PLD5: variants seen among roughly 807,000 people sequenced by gnomAD.
PLD5 encodes the protein phospholipase D family member 5.
PLD5 carries 36 observed loss-of-function variants against 61.1 expected under a neutral mutation model. That is an observed-to-expected ratio of 0.59 (90% CI 0.45 to 0.78). The LOEUF is 0.78. Among genes scored for constraint, PLD5 ranks in the 30% least tolerant of loss-of-function variants. The pLI is 0.00. For synonymous variants in PLD5, 243 were observed against 242.8 expected, an observed-to-expected ratio of 1.00 and a Z score of -0.01; for missense variants, 515 against 644.4, an observed-to-expected ratio of 0.80 and a Z score of 2.17.
intron 2 of PLD5, among the ~76,000 whole-genome samples, chr1:242,335,441 C>T (rs1659446441): frequency 6.6e-6 from 1 of 152,154 alleles, no homozygotes; most frequent in Admixed American, 6.5e-5. Context: ...AGTTCTAGAT[C>T]CTTTTGTAGT....
chr1:242,511,761 T>C (rs12408347), intron 1 of PLD5, among the ~76,000 whole-genome samples: 13,224 of 152,108 alleles, frequency 0.087, 828 homozygotes, highest in Admixed American at 0.17. Context: ...TTGGATGAGA[T>C]CCTGGAACAG....
At chr1:242,229,436 A>G (rs184850027) in intron 4 of PLD5, among the ~76,000 whole-genome samples, 118 of 152,318 alleles carry the variant, frequency 7.7e-4, no homozygotes, top group Admixed American at 3.3e-3. Context: ...CTTCCACCCT[A>G]AAAACTAGAA....
At chr1:242,266,087 G>C (rs3853851) in intron 3 of PLD5, among the ~76,000 whole-genome samples, 24,701 of 152,128 alleles carry the variant, frequency 0.16, 3,927 homozygotes, top group East Asian at 0.59. Flanking sequence ...AAAAATAAAA[G>C]TTTTTCAGCC....
intron 1 of PLD5, among the ~76,000 whole-genome samples, chr1:242,362,543 A>G (rs2488198): frequency 3.3e-5 from 5 of 152,118 alleles, no homozygotes; most frequent in African/African-American, 1.2e-4. Flanking sequence ...GGCCTTTCCT[A>G]TGATTCTAGA....
In PLD5 at chr1:242,394,186, A is replaced by ATATATGTGTG. The variant is rs1376114182; in HGVS notation, c.190-45945_190-45944insCACACATATA. On this transcript the variant is annotated intron_variant, in intron 1 of 9. Transcript: ENST00000536534. ...AGTATATATATGTGTATATATGAGT[A>ATATATGTGTG]TATATGAGTATATATATGTGTATAT... Among the ~76,000 whole-genome samples the ATATATGTGTG allele has an allele frequency of 5.1e-5, 4 of 78,712 alleles. 1 individual carries two copies. The highest frequency in any genetic ancestry group is 7.2e-5 in the Non-Finnish European group (3 of 41,888). The allele number at this position is 78,712 out of a possible 152,430, so 51.6% of individuals were successfully genotyped here.
intron 2 of PLD5, among the ~76,000 whole-genome samples, chr1:242,312,260 G>A (rs1676739152): frequency 6.7e-6 from 1 of 148,728 alleles, no homozygotes; most frequent in African/African-American, 2.5e-5. Context: ...TTAATGTCTT[G>A]CGATCTTTTG....
chr1:242,363,221 G>A (rs1207568955), intron 1 of PLD5, among the ~76,000 whole-genome samples: 1 of 152,034 alleles, frequency 6.6e-6, no homozygotes, highest in East Asian at 1.9e-4. Flanking sequence ...AAGAGTTGGC[G>A]TTCCACTCAG....
chr1:242,475,186 C>G (rs1443296234), intron 1 of PLD5, among the ~76,000 whole-genome samples: 1 of 152,182 alleles, frequency 6.6e-6, no homozygotes, highest in African/African-American at 2.4e-5. Flanking sequence ...TAGGCACACA[C>G]ACGTGCGCAC....
At chr1:242,281,393 T>C (rs1357022539) in intron 3 of PLD5, among the ~76,000 whole-genome samples, 1 of 152,078 alleles carries the variant, frequency 6.6e-6, no homozygotes, top group African/African-American at 2.4e-5. Flanking sequence ...CACATGAATG[T>C]TGCCAGGTCA....
chr1:242,091,594 C>T (rs999921025), intron 9 of PLD5, among the ~76,000 whole-genome samples: 7 of 152,120 alleles, frequency 4.6e-5, no homozygotes, highest in African/African-American at 1.2e-4. Context: ...AGTTATGCTT[C>T]GATGTACTTT....
chr1:242,327,558 T>G (rs1027420544), intron 2 of PLD5, among the ~76,000 whole-genome samples: 10 of 152,134 alleles, frequency 6.6e-5, no homozygotes, highest in Non-Finnish European at 1.3e-4. Context: ...AAACTCAAGA[T>G]AGAGAATTTC....
chr1:242,425,669 G>C (rs1316337383), intron 1 of PLD5, among the ~76,000 whole-genome samples: 1 of 131,252 alleles, frequency 7.6e-6, no homozygotes, highest in Non-Finnish European at 1.6e-5. Context: ...TTGAGACAGA[G>C]TCTCGCTCTG....
At chr1:242,235,849 C>T (rs987878467) in intron 4 of PLD5, 7 of 144,494 alleles carry the variant, frequency 4.8e-5, no homozygotes, top group Admixed American at 2.0e-4. Flanking sequence ...GTGTAGTTCT[C>T]GTGTCTTCCA....
intron 5 of PLD5, among the ~76,000 whole-genome samples, chr1:242,197,893 C>T (rs1668739592): frequency 6.6e-6 from 1 of 152,098 alleles, no homozygotes; most frequent in Non-Finnish European, 1.5e-5. Flanking sequence ...CTCGGTCTCC[C>T]AAAGTGCTGG....
At chr1:242,389,053 CAA>C (rs58079845) in intron 1 of PLD5, among the ~76,000 whole-genome samples, 179 of 120,910 alleles carry the variant, frequency 1.5e-3, no homozygotes, top group Middle Eastern at 4.4e-3. Flanking sequence ...GACTCCATCT[CAA>C]AAAAAAAAAA....
At chr1:242,398,667 C>T (rs1372513629) in intron 1 of PLD5, among the ~76,000 whole-genome samples, 4 of 125,760 alleles carry the variant, frequency 3.2e-5, no homozygotes, top group Non-Finnish European at 1.7e-5. Context: ...CGACCTTGAA[C>T]TTAGTCACTT....
At chr1:242,337,643 TAAGC>T (rs1659601025) in intron 2 of PLD5, among the ~76,000 whole-genome samples, 1 of 152,096 alleles carries the variant, frequency 6.6e-6, no homozygotes, top group African/African-American at 2.4e-5. Context: ...AATAAATAAA[TAAGC>T]AAGCAAATCA....
chr1:242,494,254 A>G (rs1460156437), intron 1 of PLD5, among the ~76,000 whole-genome samples: 6 of 152,006 alleles, frequency 3.9e-5, no homozygotes, highest in African/African-American at 1.4e-4. Flanking sequence ...ATGCTGTCCT[A>G]CCGCAGGCCC....
intron 5 of PLD5, among the ~76,000 whole-genome samples, chr1:242,190,647 C>T (rs986020116): frequency 3.3e-5 from 5 of 151,200 alleles, no homozygotes; most frequent in Non-Finnish European, 7.4e-5. Context: ...TTTGGGGGGC[C>T]GAGGTAGGGG....
Sources: allele counts gnomAD v4.1 joint callset (sites outside exome capture counted in the v4.1 genomes callset), GRCh38; gene constraint gnomAD v4.1.1; transcripts MANE v1.5; gene names NCBI Gene and HGNC (gene_info 2026-07-23, HGNC 2026-07-21).